ZFAND3: variants seen among roughly 807,000 people sequenced by gnomAD.
ZFAND3 encodes the protein AN1-type zinc finger protein 3.
Under a neutral mutation model 29.6 loss-of-function variants are expected in ZFAND3, and 10 were observed. The observed-to-expected ratio is 0.34, with a 90% CI of 0.21 to 0.57. The LOEUF (loss-of-function observed/expected upper bound fraction) is 0.57. Among genes scored for constraint, ZFAND3 ranks in the 20% least tolerant of loss-of-function variants. The probability of loss-of-function intolerance (pLI) is 0.86; values close to 1 mark genes in which losing one functional copy is unlikely to be tolerated. For missense variants in ZFAND3, 230 were observed against 304.5 expected, an observed-to-expected ratio of 0.76 and a Z score of 1.82; for synonymous variants, 128 against 112.6, an observed-to-expected ratio of 1.14 and a Z score of -0.87.
At chr6:37,907,416 G>A (rs906192202) in intron 1 of ZFAND3, among the ~76,000 whole-genome samples, 4 of 152,142 alleles carry the variant, frequency 2.6e-5, no homozygotes, top group African/African-American at 9.7e-5. Context: ...GCCCCTTGGT[G>A]AACACTGATG....
chr6:37,926,199 A>G (rs1761481101), intron 1 of ZFAND3, among the ~76,000 whole-genome samples: 1 of 152,242 alleles, frequency 6.6e-6, no homozygotes, highest in Non-Finnish European at 1.5e-5. Flanking sequence ...GGAATATGCT[A>G]TGATCAGATA....
intron 1 of ZFAND3, among the ~76,000 whole-genome samples, chr6:37,829,065 G>A (rs1763812157): frequency 6.6e-6 from 1 of 152,118 alleles, no homozygotes; most frequent in Non-Finnish European, 1.5e-5. Context: ...TTTTTACATT[G>A]TTTAACTTTA....
intron 2 of ZFAND3, among the ~76,000 whole-genome samples, chr6:37,970,842 C>T (rs1383103898): frequency 2.0e-5 from 3 of 152,154 alleles, no homozygotes; most frequent in Non-Finnish European, 2.9e-5. Context: ...GAATCAGAGC[C>T]TGCGGTGAGC....
rs1327369020 is a variant in ZFAND3 at position 38,144,188 on chromosome 6, T to C, written c.530-8047T>C. 2.3e-4 allele frequency among the ~76,000 whole-genome samples: 9 copies of C among 38,852 alleles called. 1 individual carries two copies. Among genetic ancestry groups the C allele is most frequent in the African/African-American group, 1.4e-3 (9 of 6,648 alleles). 25.5% of individuals were successfully genotyped at this position (38,852 alleles called of 152,430 possible). A position where few individuals can be genotyped will look rare whatever the true frequency, so the allele number is the denominator to read the frequency against. On this transcript the variant is annotated intron_variant, in intron 5 of 5. Coordinates refer to ENST00000287218, the MANE Select transcript of ZFAND3 (RefSeq NM_021943.3). ...AAAAATGTGATATATATATATAATA[T>C]ATATATATATATATATATATATAAT... is the stretch of plus-strand genomic sequence containing the variant.
intron 2 of ZFAND3, among the ~76,000 whole-genome samples, chr6:38,021,925 C>A (rs550378990): frequency 6.6e-6 from 1 of 152,182 alleles, no homozygotes; most frequent in African/African-American, 2.4e-5. Flanking sequence ...ATTTAGGAGA[C>A]CATCAATACT....
At chr6:38,083,766 C>T (rs1159468719) in intron 4 of ZFAND3, among the ~76,000 whole-genome samples, 1 of 152,090 alleles carries the variant, frequency 6.6e-6, no homozygotes, top group Non-Finnish European at 1.5e-5. Flanking sequence ...GAAGGAGACT[C>T]ATGTACTCAG....
intron 1 of ZFAND3, among the ~76,000 whole-genome samples, chr6:37,924,997 TGTG>T (rs1191870167): frequency 5.3e-5 from 8 of 151,412 alleles, no homozygotes; most frequent in South Asian, 2.1e-4. Context: ...ATGGTTGAAA[TGTG>T]GTGAATGAGG....
chr6:37,943,765 C>T (rs1761852318), intron 2 of ZFAND3, among the ~76,000 whole-genome samples: 2 of 152,120 alleles, frequency 1.3e-5, no homozygotes, highest in Non-Finnish European at 1.5e-5. Flanking sequence ...AATTTTAGAG[C>T]CCTTTTCTTA....
At chr6:37,953,577 G>A (rs1412243558) in intron 2 of ZFAND3, among the ~76,000 whole-genome samples, 2 of 149,792 alleles carry the variant, frequency 1.3e-5, no homozygotes, top group East Asian at 3.9e-4. Context: ...CTTAGCCTTC[G>A]AATAACTGGG....
At chr6:37,988,753 C>T (rs1389266345) in intron 2 of ZFAND3, among the ~76,000 whole-genome samples, 1 of 152,154 alleles carries the variant, frequency 6.6e-6, no homozygotes, top group Non-Finnish European at 1.5e-5. Context: ...TTAGCTCCTC[C>T]TTTCCTCCCT....
chr6:38,043,433 C>T (rs1009261636), intron 2 of ZFAND3, among the ~76,000 whole-genome samples: 3 of 148,276 alleles, frequency 2.0e-5, no homozygotes, highest in Non-Finnish European at 4.5e-5. Flanking sequence ...CTCTCCCCTT[C>T]TCTCCTATCC....
At chr6:37,926,068 G>A (rs758536224) in intron 1 of ZFAND3, among the ~76,000 whole-genome samples, 4 of 152,198 alleles carry the variant, frequency 2.6e-5, no homozygotes, top group Non-Finnish European at 4.4e-5. Flanking sequence ...CAGTAGCAAA[G>A]GTGGCTAAAT....
At chr6:38,045,289 A>G (rs1763880818) in intron 2 of ZFAND3, among the ~76,000 whole-genome samples, 1 of 151,854 alleles carries the variant, frequency 6.6e-6, no homozygotes, top group African/African-American at 2.4e-5. Context: ...AGGTTTTGCC[A>G]TATTTGCCAG....
intron 1 of ZFAND3, among the ~76,000 whole-genome samples, chr6:37,892,505 T>G (rs1581739503): frequency 6.6e-6 from 1 of 152,178 alleles, no homozygotes; most frequent in African/African-American, 2.4e-5. Flanking sequence ...ATGCCTATGT[T>G]AAGAGGGAAG....
intron 2 of ZFAND3, among the ~76,000 whole-genome samples, chr6:37,997,402 C>G (rs1471687649): frequency 6.6e-6 from 1 of 152,110 alleles, no homozygotes. Flanking sequence ...GGTTAAGGAA[C>G]ACCTGTTGAC....
At chr6:38,026,184 T>TA (rs1395513960) in intron 2 of ZFAND3, among the ~76,000 whole-genome samples, 1 of 152,162 alleles carries the variant, frequency 6.6e-6, no homozygotes, top group Non-Finnish European at 1.5e-5. Flanking sequence ...TAAATACACT[T>TA]ACATCCAGTT....
Position 37,962,785 on chromosome 6 carries a change from G to A in ZFAND3, c.112+32786G>A, listed in dbSNP as rs926817425. Among the ~76,000 whole-genome samples the A allele has an allele frequency of 3.3e-5, 5 of 151,962 alleles. No individual in the cohort carries two copies. The East Asian group carries it at 6.0e-4, about 18-fold the overall frequency. On this transcript the variant is annotated intron_variant, in intron 2 of 5. Coordinates refer to ENST00000287218, the MANE Select transcript of ZFAND3 (RefSeq NM_021943.3). The stretch of plus-strand genomic sequence containing the variant: ...GCAACCCTCTCGGGTCCCCTTCCAC[G>A]CTGTGGAAGCTTTGTTCTTTTGCTC...
intron 1 of ZFAND3, among the ~76,000 whole-genome samples, chr6:37,886,711 T>C (rs1305035385): frequency 1.3e-5 from 2 of 152,170 alleles, no homozygotes; most frequent in African/African-American, 4.8e-5. Flanking sequence ...AAGCTATTAG[T>C]TGTCTGGACG....
chr6:38,056,805 A>G (rs1305443832), intron 2 of ZFAND3, among the ~76,000 whole-genome samples: 1 of 152,230 alleles, frequency 6.6e-6, no homozygotes, highest in Admixed American at 6.5e-5. Flanking sequence ...AAAGGTTTCA[A>G]GCATATCTTT....
Sources: gnomAD v4.1 joint callset for allele counts (sites outside exome capture counted in the v4.1 genomes callset) on GRCh38, gnomAD v4.1.1 for gene constraint, MANE v1.5 for transcripts, NCBI Gene and HGNC (gene_info 2026-07-23, HGNC 2026-07-21) for gene names.